TCF12: variants seen among roughly 807,000 people sequenced by gnomAD.
The protein encoded by TCF12 is DNA-binding protein HTF4.
A neutral mutation model predicts 86.0 loss-of-function variants in TCF12; 45 were observed. That is an observed-to-expected ratio of 0.52 (90% CI 0.41 to 0.67). The LOEUF is 0.67. Among genes scored for constraint, TCF12 ranks in the 30% least tolerant of loss-of-function variants. The probability of loss-of-function intolerance (pLI) is 0.00; values close to 1 mark genes in which losing one functional copy is unlikely to be tolerated. For synonymous variants in TCF12, 330 were observed against 299.6 expected (o/e 1.10, Z -1.05); for missense variants, 881 against 859.9 (o/e 1.02, Z -0.31).
chr15:56,970,521 C>T (rs998193161), intron 3 of TCF12, among the ~76,000 whole-genome samples: 8 of 150,144 alleles, frequency 5.3e-5, no homozygotes, highest in African/African-American at 2.0e-4. Context: ...CTATCTTTGG[C>T]CCATTAAATG....
Position 57,166,385 on chromosome 15 carries a change from A to T in TCF12, c.326-17A>T. ...AAATGAAGGGTTTTATATAAAGTTAATTTCTTTGTTTTATAGGAAAAACAT... is the reference window on the plus strand; with the variant it reads ...AAATGAAGGGTTTTATATAAAGTTATTTTCTTTGTTTTATAGGAAAAACAT... On this transcript the variant is annotated splice_polypyrimidine_tract_variant and intron_variant, in intron 5 of 20. Transcript: ENST00000333725. 6.2e-7 allele frequency: 1 copy of T among 1,607,576 alleles called. No individual in the cohort carries two copies. The highest frequency in any genetic ancestry group is 1.1e-5 in the South Asian group (1 of 89,680).
intron 12 of TCF12, among the ~76,000 whole-genome samples, chr15:57,235,529 T>C (rs1285195678): frequency 3.9e-5 from 6 of 152,198 alleles, no homozygotes; most frequent in African/African-American, 1.4e-4. Context: ...TTACAAGGTA[T>C]TGATGAGAAT....
chr15:57,210,122 G>A (rs2058040118), intron 8 of TCF12, among the ~76,000 whole-genome samples: 2 of 151,778 alleles, frequency 1.3e-5, no homozygotes, highest in African/African-American at 2.4e-5. Context: ...CTTTATCTGT[G>A]TTACCCAGGA....
intron 13 of TCF12, chr15:57,247,062 T>C (rs1395771100): frequency 3.6e-6 from 2 of 560,260 alleles, no homozygotes; most frequent in Non-Finnish European, 6.9e-6. Flanking sequence ...GTTTGATTGC[T>C]GTTGTTCACT....
In TCF12 at chr15:57,087,121, A is replaced by G. The variant is rs534788286; in HGVS notation, c.223-4668A>G. ...CCTCTCTCTCCCTCTCCCTCTCCCT[A>G]CCCCCCTGCTCACCTTGGATACAAC... On this transcript the variant is annotated intron_variant, in intron 4 of 20. Transcript: ENST00000333725. Among the ~76,000 whole-genome samples the G allele has an allele frequency of 2.4e-5, 3 of 125,368 alleles. No individual in the cohort carries two copies. In the Admixed American group the frequency reaches 2.4e-4, roughly 10 times the overall value. 82.2% of individuals were successfully genotyped at this position (125,368 alleles called of 152,430 possible).
chr15:57,231,049 TTAGA>T (rs1386155747), intron 8 of TCF12, 99 bp from the exon 9 acceptor site: 9 of 774,292 alleles, frequency 1.2e-5, no homozygotes, highest in Middle Eastern at 2.4e-4. Flanking sequence ...TTTATAAAAA[TTAGA>T]TAGGCCTTTT....
intron 4 of TCF12, among the ~76,000 whole-genome samples, chr15:57,090,655 G>C (rs1225479210): frequency 1.3e-5 from 2 of 152,178 alleles, no homozygotes; most frequent in Non-Finnish European, 2.9e-5. Context: ...ATGGTAGCCT[G>C]CAGTCTGGGG....
At position 57,262,971 on chromosome 15, in the gene TCF12, A is replaced by T; in HGVS notation, c.1583-141A>T. 3.8e-6 allele frequency: 3 copies of T among 782,876 alleles called. No individual in the cohort carries two copies. The East Asian group carries it at 8.4e-5, about 22-fold the overall frequency. 48.5% of individuals were successfully genotyped at this position (782,876 alleles called of 1,614,324 possible). On this transcript the variant is annotated intron_variant, in intron 17 of 20. Coordinates refer to ENST00000333725, the MANE Select transcript of TCF12 (RefSeq NM_207037.2). ...TATTCTTTTCAGCTCTAAATAGTAT[A>T]CTTTCCTACATCTTCAAACCTCCAT...
chr15:57,262,199 A>T lies in TCF12; in HGVS notation c.1573A>T (p.Asn525Tyr), dbSNP rs1310950003. The change falls in exon 17 of 21, where the codon AAT becomes TAT. Residue 525 changes from asparagine to tyrosine, a missense_variant. Around this residue, in one of 3 missense-constraint regions of TCF12, gnomAD observed 766 missense variants for 718.9 expected, o/e 1.07. Transcript: ENST00000333725. ...AGACCTGAACCATAAAACACAAGAAAATTATAGAGGTAACTATATTGTTGG... is the reference window on the plus strand; with the variant it reads ...AGACCTGAACCATAAAACACAAGAATATTATAGAGGTAACTATATTGTTGG... ...STDLNHKTQE[N>Y]YRGGLQSQSG... The T allele has an allele frequency of 5.0e-6, 8 of 1,604,926 alleles. No homozygotes were observed. Among genetic ancestry groups the T allele is most frequent in the Non-Finnish European group, 5.1e-6 (6 of 1,172,632 alleles).
intron 6 of TCF12, among the ~76,000 whole-genome samples, chr15:57,169,075 C>G (rs2055112581): frequency 6.6e-6 from 1 of 151,984 alleles, no homozygotes; most frequent in Non-Finnish European, 1.5e-5. Flanking sequence ...AATAACCAAA[C>G]TAAGTTACAT....
chr15:56,961,924 C>T (rs972211565), intron 3 of TCF12, among the ~76,000 whole-genome samples: 6 of 151,562 alleles, frequency 4.0e-5, no homozygotes, highest in African/African-American at 1.2e-4. Flanking sequence ...GGGTGGATCA[C>T]GAGGTCAGGA....
intron 3 of TCF12, among the ~76,000 whole-genome samples, chr15:56,928,935 G>A (rs981819411): frequency 6.6e-6 from 1 of 152,134 alleles, no homozygotes; most frequent in Admixed American, 6.5e-5. Context: ...TTTCTTAATG[G>A]CAGAGAAGAA....
chr15:57,133,407 A>T (rs541459410), intron 5 of TCF12, among the ~76,000 whole-genome samples: 1 of 152,318 alleles, frequency 6.6e-6, no homozygotes, highest in Admixed American at 6.5e-5. Context: ...GAATGAAATG[A>T]TGTGTGATTA....
At chr15:56,998,457 CA>C (rs71113049) in intron 3 of TCF12, among the ~76,000 whole-genome samples, 33,505 of 110,388 alleles carry the variant, frequency 0.3, 3,333 homozygotes, top group Admixed American at 0.41. Context: ...AACTCTGTCT[CA>C]AAAAAAAAAA....
chr15:56,945,555 G>A (rs923038522), intron 3 of TCF12, among the ~76,000 whole-genome samples: 8 of 151,400 alleles, frequency 5.3e-5, no homozygotes, highest in African/African-American at 1.9e-4. Context: ...TCCTTTTGAT[G>A]ATGAAATAGT....
chr15:57,231,410 G>A (rs558429890), intron 9 of TCF12, among the ~76,000 whole-genome samples, 153 bp downstream of exon 9: 1 of 152,202 alleles, frequency 6.6e-6, no homozygotes, highest in South Asian at 2.1e-4. Flanking sequence ...TTTTCCAGTG[G>A]TGTTTATTGC....
chr15:56,923,604 T>A (rs182846093), intron 3 of TCF12, among the ~76,000 whole-genome samples: 1 of 152,094 alleles, frequency 6.6e-6, no homozygotes, highest in African/African-American at 2.4e-5. Flanking sequence ...CAAAGGGCAG[T>A]GTATAGAAGG....
chr15:57,191,923 G>A (rs1407903719), intron 6 of TCF12, among the ~76,000 whole-genome samples: 1 of 151,054 alleles, frequency 6.6e-6, no homozygotes, highest in Non-Finnish European at 1.5e-5. Flanking sequence ...AAATAAGTGA[G>A]ACTCCATCTC....
chr15:57,056,462 A>T (rs1036196990), intron 3 of TCF12, among the ~76,000 whole-genome samples: 7 of 150,486 alleles, frequency 4.7e-5, no homozygotes, highest in South Asian at 2.1e-4. Context: ...ATTTTTAATT[A>T]ATTTATTTAT....
Sources: gnomAD v4.1 joint callset for allele counts (sites outside exome capture counted in the v4.1 genomes callset) on GRCh38, gnomAD v4.1.1 for gene constraint, gnomAD v4.1.1 regional missense constraint, MANE v1.5 for transcripts, NCBI Gene and HGNC (gene_info 2026-07-23, HGNC 2026-07-21) for gene names.